SAMSN1: variants seen among roughly 807,000 people sequenced by gnomAD.
The protein encoded by SAMSN1 is SAM domain, SH3 domain and nuclear localization signals 1.
In SAMSN1, 31 loss-of-function variants were observed where a neutral mutation model predicts 42.0. The ratio of observed to expected loss-of-function variants is 0.74; its 90% CI spans 0.55 to 1.00. The LOEUF (loss-of-function observed/expected upper bound fraction) is 1.00, where lower values mean the gene tolerates loss of function less well. SAMSN1 is among the 50% of genes least tolerant of loss of function. The probability of loss-of-function intolerance (pLI) is 0.00; values close to 1 mark genes in which losing one functional copy is unlikely to be tolerated. For synonymous variants in SAMSN1, 178 were observed against 151.9 expected (o/e 1.17, Z -1.26); for missense variants, 464 against 439.4 (o/e 1.06, Z -0.50).
chr21:14,653,411 G>A (rs910803763), intron 1 of SAMSN1, among the ~76,000 whole-genome samples: 8 of 151,846 alleles, frequency 5.3e-5, no homozygotes, highest in East Asian at 3.9e-4. Context: ...GACAAACATC[G>A]CATGTTCTCA....
At chr21:14,575,553 T>G (rs1981432346) in intron 2 of SAMSN1, among the ~76,000 whole-genome samples, 1 of 152,222 alleles carries the variant, frequency 6.6e-6, no homozygotes, top group Admixed American at 6.5e-5. Flanking sequence ...AAAGTAAATT[T>G]AAAGCTGTTC....
chr21:14,507,472 C>T (rs907027206), intron 5 of SAMSN1, among the ~76,000 whole-genome samples: 1 of 152,070 alleles, frequency 6.6e-6, no homozygotes, highest in Non-Finnish European at 1.5e-5. Context: ...AAAAACAAAA[C>T]TTTGGAATAT....
At chr21:14,584,028 A>C (rs756025481), upstream of SAMSN1, among the ~76,000 whole-genome samples, 91 of 151,812 alleles carry the variant, frequency 6.0e-4, no homozygotes, top group Non-Finnish European at 1.2e-3. Context: ...AAATACAGCA[A>C]AATGGATTGA....
chr21:14,547,373 G>T (rs1240148375), upstream of SAMSN1, among the ~76,000 whole-genome samples: 1 of 152,114 alleles, frequency 6.6e-6, no homozygotes, highest in East Asian at 1.9e-4. Context: ...TCCTGGTAGA[G>T]CTAATATGAC....
intron 3 of SAMSN1, among the ~76,000 whole-genome samples, chr21:14,614,031 G>A (rs1982772402): frequency 6.6e-6 from 1 of 152,036 alleles, no homozygotes; most frequent in African/African-American, 2.4e-5. Context: ...TAAGAGACCT[G>A]AACTGAATCC....
At chr21:14,566,348 A>G (rs1405143069) in intron 2 of SAMSN1, among the ~76,000 whole-genome samples, 3 of 152,190 alleles carry the variant, frequency 2.0e-5, no homozygotes, top group Non-Finnish European at 4.4e-5. Context: ...TAATTTTGTT[A>G]CCATTTAACA....
At chr21:14,513,459 A>G (rs144696752) in intron 3 of SAMSN1, among the ~76,000 whole-genome samples, 14 of 152,248 alleles carry the variant, frequency 9.2e-5, no homozygotes, top group African/African-American at 3.1e-4. Context: ...TAAACAAGAT[A>G]ACAGGGTGCT....
chr21:14,601,598 T>G (rs1459003029), intron 6 of SAMSN1, among the ~76,000 whole-genome samples: 1 of 152,202 alleles, frequency 6.6e-6, no homozygotes. Flanking sequence ...GTTACATTAC[T>G]ATTATTAGTG....
At chr21:14,499,947 A>T (rs1224880001) in intron 6 of SAMSN1, among the ~76,000 whole-genome samples, 1 of 152,240 alleles carries the variant, frequency 6.6e-6, no homozygotes, top group Non-Finnish European at 1.5e-5. Flanking sequence ...GTATGTACAC[A>T]CTATTTAACA....
chr21:14,504,207 T>C (rs1278436330), intron 5 of SAMSN1, among the ~76,000 whole-genome samples: 1 of 151,748 alleles, frequency 6.6e-6, no homozygotes, highest in Admixed American at 6.6e-5. Context: ...TTTAACACCA[T>C]CAAAAAAATC....
rs542994594 is a variant in SAMSN1 at position 14,500,766 on chromosome 21, T to C, written c.562-31A>G. On this transcript the variant is annotated intron_variant, in intron 5 of 7. Coordinates refer to ENST00000400566, the MANE Select transcript of SAMSN1 (RefSeq NM_022136.5). ...GGCAAAGAAATCCATACACATTAGA[T>C]TTCAGAGAACCTCACTGATAGAAAG... is the stretch of plus-strand genomic sequence containing the variant. 1.8e-5 allele frequency: 28 copies of C among 1,518,866 alleles called. No homozygotes were observed. The Admixed American group carries it at 3.2e-4, about 17-fold the overall frequency. The allele number at this position is 1,518,866 out of a possible 1,614,324, so 94.1% of individuals were successfully genotyped here.
intron 1 of SAMSN1, among the ~76,000 whole-genome samples, chr21:14,648,255 T>C (rs1280533198): frequency 2.0e-5 from 3 of 152,120 alleles, no homozygotes; most frequent in African/African-American, 7.2e-5. Flanking sequence ...TTACACCTTA[T>C]CCAAAAATCA....
chr21:14,511,233 T>C (rs1220408366), intron 4 of SAMSN1, among the ~76,000 whole-genome samples: 1 of 152,250 alleles, frequency 6.6e-6, no homozygotes. Context: ...CCACATTGTA[T>C]GTGAACTGAT....
chr21:14,587,765 T>G (rs1055251672), upstream of SAMSN1, among the ~76,000 whole-genome samples: 2 of 151,918 alleles, frequency 1.3e-5, no homozygotes, highest in African/African-American at 4.8e-5. Flanking sequence ...ATTTATTTAT[T>G]TTTTAAATTT....
intron 2 of SAMSN1, among the ~76,000 whole-genome samples, chr21:14,559,528 G>A (rs145656528): frequency 6.6e-6 from 1 of 152,154 alleles, no homozygotes; most frequent in Non-Finnish European, 1.5e-5. Flanking sequence ...TCCAGAGAGT[G>A]GGGCTCTCTC....
chr21:14,585,403 C>T (rs1287886441), upstream of SAMSN1: 7 of 152,166 alleles, frequency 4.6e-5, no homozygotes, highest in African/African-American at 1.7e-4. Flanking sequence ...CAACAAAAAT[C>T]GTCTTCTCTT....
At chr21:14,536,228 A>T (rs551237125) in intron 1 of SAMSN1, among the ~76,000 whole-genome samples, 5 of 152,166 alleles carry the variant, frequency 3.3e-5, no homozygotes, top group Non-Finnish European at 5.9e-5. Flanking sequence ...TATTGTAAAA[A>T]CAAACAAACA....
chr21:14,590,944 G>A (rs1438657907), intron 7 of SAMSN1, among the ~76,000 whole-genome samples: 1 of 152,106 alleles, frequency 6.6e-6, no homozygotes, highest in Non-Finnish European at 1.5e-5. Flanking sequence ...ATGGGATTAT[G>A]AACTAGAATT....
At chr21:14,604,538 C>T (rs1293562488) in intron 5 of SAMSN1, among the ~76,000 whole-genome samples, 1 of 152,110 alleles carries the variant, frequency 6.6e-6, no homozygotes, top group African/African-American at 2.4e-5. Context: ...CAGAGTGAGG[C>T]CTTGTCTCAA....
Sources: gnomAD v4.1 joint callset for allele counts (sites outside exome capture counted in the v4.1 genomes callset) on GRCh38, gnomAD v4.1.1 for gene constraint, MANE v1.5 for transcripts, NCBI Gene and HGNC (gene_info 2026-07-23, HGNC 2026-07-21) for gene names.